Variants in HORMAD2 observed in about 807,000 individuals in gnomAD.
HORMAD2 encodes HORMA domain-containing protein 2.
In HORMAD2, 45 loss-of-function variants were observed where a neutral mutation model predicts 38.8. That is an observed-to-expected ratio of 1.16 (90% CI 0.91 to 1.49). HORMAD2 has a LOEUF of 1.49. Ranked by LOEUF, HORMAD2 falls within the 40% of genes most tolerant of loss-of-function variation. The pLI, the probability that HORMAD2 is intolerant of heterozygous loss-of-function variation, is 0.00. For synonymous variants in HORMAD2, 126 were observed against 122.8 expected, an observed-to-expected ratio of 1.03 and a Z score of -0.17; for missense variants, 338 against 367.0, an observed-to-expected ratio of 0.92 and a Z score of 0.65.
chr22:30,181,744 G>A (rs763090783), downstream of HORMAD2, among the ~76,000 whole-genome samples: 4 of 152,238 alleles, frequency 2.6e-5, no homozygotes, highest in African/African-American at 9.6e-5. Context: ...TCCCAGGGAT[G>A]CGGATTTGGC....
chr22:30,182,774 A>C, the HORMAD2 span, among the ~76,000 whole-genome samples: 2 of 152,364 alleles, frequency 1.3e-5, no homozygotes, highest in African/African-American at 4.8e-5. Flanking sequence ...AAATAAACAA[A>C]TAAACAAAAA....
rs112316844 is a variant in HORMAD2 at position 30,116,459 on chromosome 22, C to T, written c.343-2521C>T. On this transcript the variant is annotated intron_variant, in intron 7 of 10. Coordinates refer to ENST00000336726, the MANE Select transcript of HORMAD2 (RefSeq NM_152510.4). ...TTAGAGATAGACCTGAAAAGTCTTG[C>T]CAATGGGTTGGAATGTGGAGGGAGA... 5.5e-3 allele frequency among the ~76,000 whole-genome samples: 837 copies of T among 152,210 alleles called. 8 individuals carry two copies. The highest frequency in any genetic ancestry group is 0.019 in the African/African-American group (783 of 41,532).
chr22:30,078,947 G>C (rs1266345570), upstream of HORMAD2, among the ~76,000 whole-genome samples: 1 of 151,326 alleles, frequency 6.6e-6, no homozygotes, highest in African/African-American at 2.4e-5. Context: ...TCAACAGAGG[G>C]CAATTTTGCA....
chr22:30,124,374 A>C (rs1456512111), intron 10 of HORMAD2, among the ~76,000 whole-genome samples: 3 of 152,196 alleles, frequency 2.0e-5, no homozygotes, highest in Admixed American at 1.3e-4. Context: ...TAGACTACAT[A>C]AAAATATGTA....
At chr22:30,113,830 AG>A (rs1286830734) in intron 7 of HORMAD2, among the ~76,000 whole-genome samples, 2 of 152,186 alleles carry the variant, frequency 1.3e-5, no homozygotes, top group African/African-American at 4.8e-5. Flanking sequence ...TGTTTAAGCA[AG>A]GGGTAAGAAA....
At chr22:30,181,223 A>G (rs1477549396), downstream of HORMAD2, among the ~76,000 whole-genome samples, 5 of 151,922 alleles carry the variant, frequency 3.3e-5, no homozygotes, top group East Asian at 9.7e-4. Flanking sequence ...CACGTTGCCC[A>G]GGCTGGTCTT....
intron 1 of HORMAD2, among the ~76,000 whole-genome samples, chr22:30,089,192 A>C (rs2068636766): frequency 6.6e-6 from 1 of 152,214 alleles, no homozygotes; most frequent in Non-Finnish European, 1.5e-5. Context: ...TAATGGATAC[A>C]CAAAAACCGG....
At chr22:30,088,789 C>A (rs1207139885) in intron 1 of HORMAD2, among the ~76,000 whole-genome samples, 2 of 151,388 alleles carry the variant, frequency 1.3e-5, no homozygotes, top group African/African-American at 2.4e-5. Context: ...ATCATGATTT[C>A]TCTTATTTAT....
rs1444363261 is a variant in HORMAD2 at position 30,176,964 on chromosome 22, T to G, written c.*797T>G. ...TGTTATTTCTATTATTTATATAACA[T>G]GAGATTTAGTAACTTATAAAATGAG... On this transcript the variant is annotated 3_prime_UTR_variant, in exon 11 of 11. Transcript: ENST00000336726. The G allele has an allele frequency of 6.5e-6, 1 of 152,704 alleles. No individual in the cohort carries two copies. Among genetic ancestry groups the G allele is most frequent in the Non-Finnish European group, 1.5e-5 (1 of 68,034 alleles). 9.5% of individuals were successfully genotyped at this position (152,704 alleles called of 1,614,324 possible).
chr22:30,128,893 T>A (rs1923062481), intron 10 of HORMAD2, among the ~76,000 whole-genome samples: 1 of 152,216 alleles, frequency 6.6e-6, no homozygotes, highest in Non-Finnish European at 1.5e-5. Flanking sequence ...TAAGATTGTC[T>A]GGGATATTTT....
chr22:30,204,002 C>T, the HORMAD2 span, among the ~76,000 whole-genome samples: 1 of 152,174 alleles, frequency 6.6e-6, no homozygotes, highest in East Asian at 1.9e-4. Context: ...CATGTGCATC[C>T]TCACATACAT....
intron 1 of HORMAD2, among the ~76,000 whole-genome samples, chr22:30,085,504 AG>A (rs1355781510): frequency 2.0e-5 from 3 of 152,252 alleles, no homozygotes; most frequent in Non-Finnish European, 4.4e-5. Flanking sequence ...CTGTAATCCC[AG>A]CACTTTGGGA....
chr22:30,151,283 A>T (rs1924731820), intron 10 of HORMAD2, among the ~76,000 whole-genome samples: 6 of 152,096 alleles, frequency 3.9e-5, no homozygotes. Context: ...CTGTCATTCT[A>T]GAGGGGTTTT....
chr22:30,206,117 A>G, the HORMAD2 span, among the ~76,000 whole-genome samples: 1 of 151,056 alleles, frequency 6.6e-6, no homozygotes, highest in Non-Finnish European at 1.5e-5. Context: ...CATTATTCTC[A>G]CCCCCCGCCT....
downstream of HORMAD2, among the ~76,000 whole-genome samples, chr22:30,177,495 G>T (rs1244061230): frequency 6.6e-6 from 1 of 152,142 alleles, no homozygotes; most frequent in Non-Finnish European, 1.5e-5. Flanking sequence ...AGCATATTAA[G>T]TGGACTCATG....
chr22:30,159,569 G>A (rs1411997029), intron 10 of HORMAD2, among the ~76,000 whole-genome samples: 1 of 152,190 alleles, frequency 6.6e-6, no homozygotes, highest in South Asian at 2.1e-4. Context: ...TTTAAAAAGT[G>A]TTAGTCAAAA....
rs1167315789 is a variant in HORMAD2, at chr22:30,087,483, G to A, written c.-37-6433G>A. Among the ~76,000 whole-genome samples, 12 of 152,220 alleles carry A rather than the reference G, an allele frequency of 7.9e-5. 1 individual carries two copies. Among genetic ancestry groups the A allele is most frequent in the Middle Eastern group, 6.8e-3 (2 of 294 alleles). On this transcript the variant is annotated intron_variant, in intron 1 of 10. Coordinates refer to ENST00000336726, the MANE Select transcript of HORMAD2 (RefSeq NM_152510.4). ...TTGTTCATCCAGGGAGTGTGTGGTA[G>A]AAGTAAAAAAGAAGAGCTCTGTTTT...
chr22:30,170,247 T>G (rs777463045), intron 10 of HORMAD2, among the ~76,000 whole-genome samples: 3 of 152,164 alleles, frequency 2.0e-5, no homozygotes, highest in African/African-American at 7.2e-5. Flanking sequence ...AATTTTGAAG[T>G]GAGCAAAATT....
chr22:30,173,111 A>G (rs186812675), intron 10 of HORMAD2, among the ~76,000 whole-genome samples: 1 of 152,286 alleles, frequency 6.6e-6, no homozygotes, highest in East Asian at 1.9e-4. Flanking sequence ...ATTGAAGGTA[A>G]AGTCCAGAGT....
Sources: allele counts gnomAD v4.1 joint callset (sites outside exome capture counted in the v4.1 genomes callset), GRCh38; gene constraint gnomAD v4.1.1; transcripts MANE v1.5; gene names NCBI Gene and HGNC (gene_info 2026-07-23, HGNC 2026-07-21).